NBEA: variants seen among roughly 807,000 people sequenced by gnomAD.
NBEA encodes neurobeachin.
In NBEA, 44 loss-of-function variants were observed where a neutral mutation model predicts 343.4. The ratio of observed to expected loss-of-function variants is 0.13; its 90% CI spans 0.10 to 0.16. The LOEUF is 0.16. Among genes scored for constraint, NBEA ranks in the 10% least tolerant of loss-of-function variants. The pLI, the probability that NBEA is intolerant of heterozygous loss-of-function variation, is 1.00. For missense variants in NBEA, 2,555 were observed against 3,631.3 expected, an observed-to-expected ratio of 0.70 and a Z score of 7.62; for synonymous variants, 1,175 against 1,238.7, an observed-to-expected ratio of 0.95 and a Z score of 1.08.
intron 34 of NBEA, among the ~76,000 whole-genome samples, chr13:35,282,665 G>T (rs1045698943): frequency 6.6e-6 from 1 of 152,170 alleles, no homozygotes; most frequent in African/African-American, 2.4e-5. Context: ...ACTCAGGTCA[G>T]TCACCTTCTG....
intron 58 of NBEA, 22 bp downstream of exon 58, chr13:35,668,541 TATC>T (rs1333017847): frequency 6.4e-7 from 1 of 1,559,814 alleles, no homozygotes; most frequent in African/African-American, 1.4e-5. Flanking sequence ...CAAGGACAAG[TATC>T]ATCACTGAGA....
intron 38 of NBEA, among the ~76,000 whole-genome samples, chr13:35,395,434 A>T (rs2042699126): frequency 6.6e-6 from 1 of 151,928 alleles, no homozygotes; most frequent in Non-Finnish European, 1.5e-5. Flanking sequence ...TTCTGCCATG[A>T]TTTTAAGTTT....
intron 10 of NBEA, among the ~76,000 whole-genome samples, chr13:35,083,809 A>G (rs573798964): frequency 4.0e-5 from 6 of 151,502 alleles, no homozygotes; most frequent in African/African-American, 1.4e-4. Flanking sequence ...AAGACCCATC[A>G]GTGTGCTGTA....
intron 38 of NBEA, among the ~76,000 whole-genome samples, chr13:35,362,827 A>G (rs1338665633): frequency 1.3e-5 from 2 of 152,014 alleles, no homozygotes; most frequent in Non-Finnish European, 2.9e-5. Context: ...AATAATTTAA[A>G]GTCAAAATAA....
At chr13:35,310,020 A>T (rs938045081) in intron 36 of NBEA, among the ~76,000 whole-genome samples, 1 of 152,130 alleles carries the variant, frequency 6.6e-6, no homozygotes, top group African/African-American at 2.4e-5. Context: ...TGTGAGGGAT[A>T]TTAAATATAG....
At chr13:35,365,256 G>T (rs1358402859) in intron 38 of NBEA, among the ~76,000 whole-genome samples, 1 of 151,680 alleles carries the variant, frequency 6.6e-6, no homozygotes, top group African/African-American at 2.4e-5. Flanking sequence ...TAATGATAAT[G>T]AAGAAAATCA....
intron 22 of NBEA, among the ~76,000 whole-genome samples, chr13:35,160,749 A>G (rs2069495023): frequency 6.6e-6 from 1 of 152,184 alleles, no homozygotes; most frequent in Admixed American, 6.6e-5. Flanking sequence ...GAATAAAGCT[A>G]AAAACAGATG....
At chr13:35,330,275 A>C in intron 36 of NBEA, among the ~76,000 whole-genome samples, 1 of 152,090 alleles carries the variant, frequency 6.6e-6, no homozygotes, top group East Asian at 1.9e-4. Context: ...TTAAGTAATC[A>C]GTTCTCAATG....
At chr13:35,151,055 C>T (rs2068748178) in intron 18 of NBEA, among the ~76,000 whole-genome samples, 1 of 146,394 alleles carries the variant, frequency 6.8e-6, no homozygotes, top group African/African-American at 2.6e-5. Context: ...GCAGAGGTTG[C>T]AGCGAACTGA....
intron 41 of NBEA, among the ~76,000 whole-genome samples, 178 bp downstream of exon 41, chr13:35,472,714 T>C (rs1028050749): frequency 6.6e-6 from 1 of 152,238 alleles, no homozygotes; most frequent in Non-Finnish European, 1.5e-5. Flanking sequence ...TATTAATGAA[T>C]TTAAATCCTG....
At chr13:35,155,143 A>AT (rs1223536488) in intron 18 of NBEA, among the ~76,000 whole-genome samples, 3 of 150,992 alleles carry the variant, frequency 2.0e-5, no homozygotes, top group Non-Finnish European at 3.0e-5. Flanking sequence ...AAAAAAAAAA[A>AT]AAAAAAAAAA....
At chr13:35,087,915 C>T (rs1040595839) in intron 10 of NBEA, among the ~76,000 whole-genome samples, 19 of 151,856 alleles carry the variant, frequency 1.3e-4, no homozygotes, top group Non-Finnish European at 5.9e-5. Flanking sequence ...TGTTGGTTTT[C>T]ATCAAGTGGT....
At chr13:35,086,599 G>T (rs2064777606) in intron 10 of NBEA, among the ~76,000 whole-genome samples, 1 of 151,952 alleles carries the variant, frequency 6.6e-6, no homozygotes, top group Non-Finnish European at 1.5e-5. Context: ...TTGCTTTTGT[G>T]AATAGCGCTG....
chr13:35,011,044 G>T (rs1441412657), intron 1 of NBEA, among the ~76,000 whole-genome samples: 1 of 151,820 alleles, frequency 6.6e-6, no homozygotes, highest in Non-Finnish European at 1.5e-5. Flanking sequence ...AACGAGTCTT[G>T]TAGCAGTTTT....
chr13:35,368,552 T>C (rs1022736748), intron 38 of NBEA, among the ~76,000 whole-genome samples: 9 of 151,660 alleles, frequency 5.9e-5, no homozygotes, highest in Non-Finnish European at 8.9e-5. Flanking sequence ...CTTCACACAA[T>C]CAAAAATTAT....
intron 40 of NBEA, among the ~76,000 whole-genome samples, chr13:35,455,675 G>A (rs1028588606): frequency 2.6e-5 from 4 of 152,012 alleles, no homozygotes; most frequent in African/African-American, 7.2e-5. Flanking sequence ...AAAAGAGTTC[G>A]GCTTAGGGTT....
chr13:35,322,588 C>G (rs2038239209), intron 36 of NBEA, among the ~76,000 whole-genome samples: 1 of 152,154 alleles, frequency 6.6e-6, no homozygotes, highest in South Asian at 2.1e-4. Context: ...AGCCAACGCC[C>G]CATGCTCCTT....
At chr13:35,295,909 T>A (rs1405562560) in intron 35 of NBEA, among the ~76,000 whole-genome samples, 3 of 152,190 alleles carry the variant, frequency 2.0e-5, no homozygotes, top group Non-Finnish European at 4.4e-5. Context: ...TTAGAGAAGT[T>A]AGCAGGTATA....
At chr13:35,477,981 G>C (rs574047202) in intron 41 of NBEA, among the ~76,000 whole-genome samples, 1 of 152,162 alleles carries the variant, frequency 6.6e-6, no homozygotes, top group Admixed American at 6.5e-5. Flanking sequence ...TTTAAAACTA[G>C]GTGGATTTTT....
Sources: allele counts gnomAD v4.1 joint callset (sites outside exome capture counted in the v4.1 genomes callset), GRCh38; gene constraint gnomAD v4.1.1; transcripts MANE v1.5; gene names NCBI Gene and HGNC (gene_info 2026-07-23, HGNC 2026-07-21).